Variants in CNTN5 observed in about 807,000 individuals in gnomAD.
CNTN5 encodes the protein contactin 5, also known as contactin-5.
A neutral mutation model predicts 129.1 loss-of-function variants in CNTN5; 77 were observed. That is an observed-to-expected ratio of 0.60 (90% CI 0.50 to 0.72). The LOEUF (loss-of-function observed/expected upper bound fraction) is 0.72. CNTN5 is among the 30% of genes least tolerant of loss of function. The pLI, the probability that CNTN5 is intolerant of heterozygous loss-of-function variation, is 0.00. For missense variants in CNTN5, 1,478 were observed against 1,328.8 expected (o/e 1.11, Z -1.75); for synonymous variants, 509 against 465.6 (o/e 1.09, Z -1.20).
intron 6 of CNTN5, among the ~76,000 whole-genome samples, chr11:99,897,742 A>C (rs563673362): frequency 6.6e-6 from 1 of 152,234 alleles, no homozygotes; most frequent in South Asian, 2.1e-4. Context: ...CGTAATTAAA[A>C]CTCCAAAACA....
intron 1 of CNTN5, among the ~76,000 whole-genome samples, chr11:99,141,041 A>G (rs948256320): frequency 5.3e-5 from 8 of 152,036 alleles, no homozygotes; most frequent in Admixed American, 1.3e-4. Flanking sequence ...CATCCTTCTC[A>G]ATTTTTTGGA....
intron 2 of CNTN5, among the ~76,000 whole-genome samples, chr11:99,391,032 T>C (rs1454217823): frequency 3.3e-5 from 5 of 152,220 alleles, no homozygotes; most frequent in African/African-American, 9.6e-5. Flanking sequence ...AAAAGAAATC[T>C]AACAACTTAA....
At chr11:100,042,170 G>T (rs988503419) in intron 9 of CNTN5, among the ~76,000 whole-genome samples, 1 of 150,984 alleles carries the variant, frequency 6.6e-6, no homozygotes, top group African/African-American at 2.4e-5. Context: ...AAAAGTTTTT[G>T]TGTATTATGT....
chr11:99,379,452 G>T (rs1443819871), intron 2 of CNTN5, among the ~76,000 whole-genome samples: 1 of 152,058 alleles, frequency 6.6e-6, no homozygotes, highest in Non-Finnish European at 1.5e-5. Flanking sequence ...AATCAAATTA[G>T]AGTTTTACCT....
chr11:99,796,151 A>G (rs1375662709), intron 3 of CNTN5, among the ~76,000 whole-genome samples: 2 of 152,116 alleles, frequency 1.3e-5, no homozygotes, highest in Non-Finnish European at 2.9e-5. Context: ...GGGACATGGT[A>G]CTTGCAGGTA....
intron 2 of CNTN5, among the ~76,000 whole-genome samples, chr11:99,435,105 A>T (rs1203187533): frequency 3.9e-5 from 6 of 152,142 alleles, no homozygotes; most frequent in Non-Finnish European, 7.4e-5. Context: ...CCATTTTTAA[A>T]GTGTGAAATA....
At chr11:99,163,385 T>C (rs750242826) in intron 1 of CNTN5, among the ~76,000 whole-genome samples, 5 of 119,464 alleles carry the variant, frequency 4.2e-5, no homozygotes, top group Non-Finnish European at 6.8e-5. Context: ...GATTTGTTGT[T>C]CACTAGAATA....
At position 99,504,428 on chromosome 11, in the gene CNTN5, C is replaced by G. The variant is rs543262142; in HGVS notation, c.-70-51717C>G. 9.0e-4 allele frequency among the ~76,000 whole-genome samples: 135 copies of G among 150,122 alleles called. 1 individual carries two copies. The South Asian group carries it at 0.018, about 21-fold the overall frequency. ...TAGTGGCACAGGCCTTTAGCCCCAG[C>G]TACTTGGGAGGCTGAGGTAGGAGAA... On this transcript the variant is annotated intron_variant, in intron 2 of 24. Transcript: ENST00000524871.
chr11:99,608,692 T>C (rs1950507136), intron 3 of CNTN5, among the ~76,000 whole-genome samples: 1 of 152,166 alleles, frequency 6.6e-6, no homozygotes, highest in Admixed American at 6.6e-5. Context: ...GATGCTAAAC[T>C]TGTGTTGCTT....
chr11:99,727,132 C>T (rs1943369707), intron 3 of CNTN5, among the ~76,000 whole-genome samples: 1 of 147,472 alleles, frequency 6.8e-6, no homozygotes, highest in African/African-American at 2.5e-5. Context: ...AGGTGAAACC[C>T]CGTCTCTACT....
At chr11:99,730,091 C>G (rs1253602372) in intron 3 of CNTN5, among the ~76,000 whole-genome samples, 1 of 152,136 alleles carries the variant, frequency 6.6e-6, no homozygotes, top group Non-Finnish European at 1.5e-5. Context: ...GGCTAAGATC[C>G]CTCCTTGTTC....
chr11:99,694,769 C>A (rs530735792), intron 3 of CNTN5, among the ~76,000 whole-genome samples: 5 of 151,894 alleles, frequency 3.3e-5, no homozygotes, highest in East Asian at 1.9e-4. Context: ...TGAGAACATG[C>A]GGTGTTTGGT....
chr11:99,744,216 C>A (rs1296237673), intron 3 of CNTN5, among the ~76,000 whole-genome samples: 1 of 151,940 alleles, frequency 6.6e-6, no homozygotes, highest in Non-Finnish European at 1.5e-5. Context: ...AGTTCTATTG[C>A]AAATATCTAA....
chr11:99,331,966 G>A (rs140355606), intron 2 of CNTN5, among the ~76,000 whole-genome samples: 1 of 152,152 alleles, frequency 6.6e-6, no homozygotes, highest in African/African-American at 2.4e-5. Flanking sequence ...GTGGAATAGA[G>A]TCATCCCAGA....
intron 4 of CNTN5, among the ~76,000 whole-genome samples, chr11:99,823,198 C>T (rs921874102): frequency 6.6e-6 from 1 of 152,218 alleles, no homozygotes; most frequent in Non-Finnish European, 1.5e-5. Context: ...GTAATAAACA[C>T]ATAATCTTTG....
At chr11:99,817,596 G>GTTTTTTT (rs372057505) in intron 3 of CNTN5, among the ~76,000 whole-genome samples, 7 of 99,618 alleles carry the variant, frequency 7.0e-5, no homozygotes, top group South Asian at 4.3e-4. Context: ...GTCTGGGATA[G>GTTTTTTT]TTTTTTTTTT....
At chr11:99,612,730 C>A (rs562941262) in intron 3 of CNTN5, among the ~76,000 whole-genome samples, 1 of 152,188 alleles carries the variant, frequency 6.6e-6, no homozygotes, top group African/African-American at 2.4e-5. Context: ...ATGACTCATT[C>A]CCTTTTTCAT....
chr11:99,055,388 T>G (rs1275107087), intron 1 of CNTN5, among the ~76,000 whole-genome samples: 1 of 152,050 alleles, frequency 6.6e-6, no homozygotes, highest in Non-Finnish European at 1.5e-5. Flanking sequence ...AAGAAAGAGA[T>G]TTCTCTAATG....
chr11:99,591,463 G>A (rs997057995), intron 3 of CNTN5, among the ~76,000 whole-genome samples: 7 of 146,822 alleles, frequency 4.8e-5, no homozygotes, highest in Non-Finnish European at 8.9e-5. Context: ...TCAGCCTCCC[G>A]AGTAGCTGAG....
Sources: allele counts gnomAD v4.1 joint callset (sites outside exome capture counted in the v4.1 genomes callset), GRCh38; gene constraint gnomAD v4.1.1; transcripts MANE v1.5; gene names NCBI Gene and HGNC (gene_info 2026-07-23, HGNC 2026-07-21).